Variants in UGT1A9 observed in about 807,000 individuals in gnomAD.
The protein encoded by UGT1A9 is UDP glucuronosyltransferase family 1 member A9, also known as UDP-glucuronosyltransferase 1A9.
UGT1A9 carries 35 observed loss-of-function variants against 45.0 expected under a neutral mutation model. The ratio of observed to expected loss-of-function variants is 0.78; its 90% CI spans 0.59 to 1.03. The LOEUF (loss-of-function observed/expected upper bound fraction) is 1.03, where lower values mean the gene tolerates loss of function less well. Ranked by LOEUF, UGT1A9 falls within the 50% of genes least tolerant of loss-of-function variation. UGT1A9 has a pLI of 0.00. For missense variants in UGT1A9, 687 were observed against 666.6 expected, an observed-to-expected ratio of 1.03 and a Z score of -0.34; for synonymous variants, 278 against 250.6, an observed-to-expected ratio of 1.11 and a Z score of -1.03.
chr2:233,687,481 T>C (rs2125537172), intron 1 of UGT1A9, among the ~76,000 whole-genome samples: 1 of 151,588 alleles, frequency 6.6e-6, no homozygotes. Flanking sequence ...GCAGACCTAT[T>C]TTTCAGATGA....
chr2:233,762,475 C>A (rs1173865347), intron 1 of UGT1A9, among the ~76,000 whole-genome samples: 1 of 152,106 alleles, frequency 6.6e-6, no homozygotes, highest in East Asian at 1.9e-4. Flanking sequence ...ATGGATATCA[C>A]TCCAGTTTTA....
intron 1 of UGT1A9, among the ~76,000 whole-genome samples, chr2:233,723,536 TA>T (rs756280025): frequency 2.5e-5 from 3 of 121,442 alleles, no homozygotes; most frequent in African/African-American, 3.3e-5. Flanking sequence ...TTTTTTTTTT[TA>T]ATTTATTTTT....
At chr2:233,753,903 T>TA in intron 1 of UGT1A9, among the ~76,000 whole-genome samples, 1 of 152,344 alleles carries the variant, frequency 6.6e-6, no homozygotes, top group East Asian at 1.9e-4. Flanking sequence ...ACATGCTTCT[T>TA]ACACCGATTT....
intron 1 of UGT1A9, among the ~76,000 whole-genome samples, chr2:233,674,427 C>T (rs990679144): frequency 6.6e-6 from 1 of 152,160 alleles, no homozygotes. Flanking sequence ...TAGTAACAGG[C>T]ACCACTTATG....
Position 233,672,281 on chromosome 2 carries a change from T to C in UGT1A9, c.347T>C (p.Ile116Thr). The change falls in exon 1 of 5, where the codon ATT becomes ACT. Residue 116 changes from isoleucine to threonine, a missense_variant. Coordinates refer to ENST00000354728, the MANE Select transcript of UGT1A9 (RefSeq NM_021027.3). ...CTATTAATGGGTTCATACAATGACA[T>C]TTTTGACTTATTTTTTTCAAATTGC... Reference protein sequence around the residue: ...YSLLMGSYNDIFDLFFSNCRS... With the variant: ...YSLLMGSYNDTFDLFFSNCRS... 6.2e-7 allele frequency: 1 copy of C among 1,613,842 alleles called. No individual in the cohort carries two copies. The highest frequency in any genetic ancestry group is 1.3e-5 in the African/African-American group (1 of 74,998).
intron 4 of UGT1A9, among the ~76,000 whole-genome samples, chr2:233,771,908 A>G (rs1288111972): frequency 2.6e-5 from 4 of 151,904 alleles, no homozygotes; most frequent in African/African-American, 9.7e-5. Context: ...TTCAGGTGAT[A>G]ATAGTAACAC....
chr2:233,698,322 C>G (rs913677756), intron 1 of UGT1A9, among the ~76,000 whole-genome samples: 4 of 152,104 alleles, frequency 2.6e-5, no homozygotes, highest in African/African-American at 9.7e-5. Flanking sequence ...ATGTCTGGAA[C>G]CAGATAGAGG....
At chr2:233,767,317 G>A in intron 2 of UGT1A9, 152 bp downstream of exon 2, 4 of 1,492,088 alleles carry the variant, frequency 2.7e-6, no homozygotes, top group Non-Finnish European at 3.5e-6. Flanking sequence ...TTTTTTTGTT[G>A]TTGTGGTTGT....
intron 1 of UGT1A9, among the ~76,000 whole-genome samples, chr2:233,690,259 AC>A (rs1442048743): frequency 6.6e-6 from 1 of 152,194 alleles, no homozygotes; most frequent in Non-Finnish European, 1.5e-5. Flanking sequence ...TAAGTCTCAA[AC>A]ATTTTGCAGG....
At chr2:233,710,852 T>A (rs1299633066) in intron 1 of UGT1A9, among the ~76,000 whole-genome samples, 1 of 152,250 alleles carries the variant, frequency 6.6e-6, no homozygotes, top group East Asian at 1.9e-4. Context: ...AGGATTTGTT[T>A]CTATGTTTTT....
In UGT1A9 at chr2:233,676,729, A is replaced by T. The variant is rs1238370163; in HGVS notation, c.855+3940A>T. ...AGAATGTCAGTGTGTGTTTTGCCTG[A>T]TGTTTTCATCGTGGTAAAACTGGGT... On this transcript the variant is annotated intron_variant, in intron 1 of 4. Transcript: ENST00000354728. 2.6e-5 allele frequency among the ~76,000 whole-genome samples: 4 copies of T among 152,148 alleles called. 1 individual carries two copies. The highest frequency in any genetic ancestry group is 5.9e-5 in the Non-Finnish European group (4 of 68,032).
At chr2:233,686,284 T>C (rs749400272) in intron 1 of UGT1A9, among the ~76,000 whole-genome samples, 8 of 151,910 alleles carry the variant, frequency 5.3e-5, no homozygotes, top group Admixed American at 1.3e-4. Flanking sequence ...TACAAGAAAC[T>C]AAAACAAGAA....
At chr2:233,689,916 G>A (rs1315837449) in intron 1 of UGT1A9, 1 of 456,658 alleles carries the variant, frequency 2.2e-6, no homozygotes, top group Admixed American at 2.3e-5. Flanking sequence ...TAGGTGCCTG[G>A]AATTTCCTTC....
chr2:233,736,518 C>G (rs567664154), intron 1 of UGT1A9, among the ~76,000 whole-genome samples: 1 of 152,188 alleles, frequency 6.6e-6, no homozygotes, highest in Admixed American at 6.5e-5. Context: ...TCTGTCAACT[C>G]GTCAAAGTCA....
intron 1 of UGT1A9, among the ~76,000 whole-genome samples, chr2:233,763,438 G>A (rs1487731202): frequency 6.6e-6 from 1 of 152,146 alleles, no homozygotes; most frequent in African/African-American, 2.4e-5. Context: ...GCTTTAATAA[G>A]TGCATTTTGC....
intron 1 of UGT1A9, among the ~76,000 whole-genome samples, chr2:233,735,706 TG>T (rs200320435): frequency 0.013 from 1,981 of 152,300 alleles, 51 homozygotes; most frequent in African/African-American, 0.046. Context: ...GCAGGCCTGG[TG>T]GTGACAAAAT....
At chr2:233,698,470 T>A (rs1004128729) in intron 1 of UGT1A9, among the ~76,000 whole-genome samples, 3 of 152,212 alleles carry the variant, frequency 2.0e-5, no homozygotes, top group Non-Finnish European at 4.4e-5. Context: ...AAGCCCTGAT[T>A]TATAGCTTAA....
chr2:233,682,321 T>C (rs1271026452), intron 1 of UGT1A9: 1 of 1,614,074 alleles, frequency 6.2e-7, no homozygotes, highest in Non-Finnish European at 8.5e-7. Flanking sequence ...GGAGTTTGTT[T>C]AATGACCGAA....
At chr2:233,737,717 C>A (rs2078914941) in intron 1 of UGT1A9, among the ~76,000 whole-genome samples, 1 of 152,178 alleles carries the variant, frequency 6.6e-6, no homozygotes, top group South Asian at 2.1e-4. Flanking sequence ...CTCTCCAACA[C>A]CTCCTTTTTT....
Sources: allele counts gnomAD v4.1 joint callset (sites outside exome capture counted in the v4.1 genomes callset), GRCh38; gene constraint gnomAD v4.1.1; transcripts MANE v1.5; gene names NCBI Gene and HGNC (gene_info 2026-07-23, HGNC 2026-07-21).